CACNA1E: variants seen among roughly 807,000 people sequenced by gnomAD.
CACNA1E encodes the protein calcium voltage-gated channel subunit alpha1 E.
Under a neutral mutation model 259.2 loss-of-function variants are expected in CACNA1E, and 40 were observed. The observed-to-expected ratio is 0.15, with a 90% CI of 0.12 to 0.20. The LOEUF is 0.20. CACNA1E is among the 10% of genes least tolerant of loss of function. CACNA1E has a pLI of 1.00. For synonymous variants in CACNA1E, 1,104 were observed against 1,138.5 expected, an observed-to-expected ratio of 0.97 and a Z score of 0.61; for missense variants, 1,874 against 3,040.1, an observed-to-expected ratio of 0.62 and a Z score of 9.02.
chr1:181,360,498 G>A (rs1364656828), intron 1 of CACNA1E, among the ~76,000 whole-genome samples: 1 of 152,140 alleles, frequency 6.6e-6, no homozygotes, highest in Non-Finnish European at 1.5e-5. Context: ...AGACATAATG[G>A]CCATATACTG....
intron 2 of CACNA1E, among the ~76,000 whole-genome samples, chr1:181,475,596 T>C (rs535962671): frequency 6.3e-4 from 96 of 152,360 alleles, no homozygotes; most frequent in African/African-American, 2.3e-3. Context: ...ATGTACCTCA[T>C]ACTATGGTAC....
intron 1 of CACNA1E, among the ~76,000 whole-genome samples, chr1:181,497,482 G>C (rs1664862249): frequency 6.6e-6 from 1 of 152,150 alleles, no homozygotes. Flanking sequence ...AGAGCTTTCT[G>C]TTCCTCAATA....
rs1395302597 is a variant in CACNA1E, at chr1:181,532,039, G to A, written c.512+20529G>A. ...CCGTTGCACTCCAGCCTGGGCAACA[G>A]AGTGAAACTTCATCTCAAAAAAAAG... On this transcript the variant is annotated intron_variant, in intron 3 of 47. Transcript: ENST00000367573. Among the ~76,000 whole-genome samples, 5 of 152,126 alleles carry A rather than the reference G, an allele frequency of 3.3e-5. No individual in the cohort carries two copies. In the East Asian group the frequency reaches 9.6e-4, roughly 29 times the overall value.
At chr1:181,574,638 A>G (rs1421909132) in intron 3 of CACNA1E, among the ~76,000 whole-genome samples, 1 of 152,144 alleles carries the variant, frequency 6.6e-6, no homozygotes, top group East Asian at 1.9e-4. Context: ...AGAAAACAGA[A>G]TTTCTCTAGG....
At position 181,784,653 on chromosome 1, in the gene CACNA1E, T is replaced by G. The variant is rs1361470344; in HGVS notation, c.5471-8T>G. ...TATTCTATTTATTAGTAATTTATCTTATTCTAGGTGGTGCAGACAGGCAGC... is the reference window on the plus strand; with the variant it reads ...TATTCTATTTATTAGTAATTTATCTGATTCTAGGTGGTGCAGACAGGCAGC... On this transcript the variant is annotated splice_region_variant and splice_polypyrimidine_tract_variant and intron_variant, in intron 40 of 47. Transcript: ENST00000367573. 7.8e-6 allele frequency: 12 copies of G among 1,545,914 alleles called. No homozygotes were observed. Among genetic ancestry groups the G allele is most frequent in the Non-Finnish European group, 1.1e-5 (12 of 1,139,308 alleles).
At chr1:181,329,263 T>G (rs1445390129) in intron 1 of CACNA1E, among the ~76,000 whole-genome samples, 1 of 152,044 alleles carries the variant, frequency 6.6e-6, no homozygotes, top group Non-Finnish European at 1.5e-5. Context: ...CATCTTCATC[T>G]CTCCCTTGGA....
At chr1:181,377,981 T>C (rs1295263555) in intron 1 of CACNA1E, among the ~76,000 whole-genome samples, 3 of 152,240 alleles carry the variant, frequency 2.0e-5, no homozygotes, top group African/African-American at 7.2e-5. Flanking sequence ...TGCACATAGT[T>C]TTGTCCTTCA....
chr1:181,789,794 A>G (rs1377548013), intron 43 of CACNA1E, among the ~76,000 whole-genome samples: 1 of 152,188 alleles, frequency 6.6e-6, no homozygotes, highest in Admixed American at 6.5e-5. Flanking sequence ...GGAGGCCTCT[A>G]AACAACTGGG....
chr1:181,637,895 G>A (rs1178128315), intron 6 of CACNA1E, among the ~76,000 whole-genome samples: 1 of 152,182 alleles, frequency 6.6e-6, no homozygotes, highest in Non-Finnish European at 1.5e-5. Flanking sequence ...GAGCAATAGT[G>A]TAGACATAGG....
chr1:181,617,224 C>T (rs1572390910), intron 6 of CACNA1E, among the ~76,000 whole-genome samples: 1 of 148,742 alleles, frequency 6.7e-6, no homozygotes, highest in East Asian at 1.9e-4. Flanking sequence ...ATATGCTGTT[C>T]TGTTTCAAAC....
At chr1:181,620,031 G>A (rs1451635387) in intron 6 of CACNA1E, among the ~76,000 whole-genome samples, 3 of 152,150 alleles carry the variant, frequency 2.0e-5, no homozygotes, top group Non-Finnish European at 4.4e-5. Flanking sequence ...ATATATATCT[G>A]CATTATTGTA....
intron 7 of CACNA1E, among the ~76,000 whole-genome samples, chr1:181,667,462 A>G (rs3766979): frequency 0.53 from 80,780 of 151,962 alleles, 24,664 homozygotes; most frequent in East Asian, 0.77. Flanking sequence ...TTAATTTTAG[A>G]CTTAGAAAGT....
intron 6 of CACNA1E, among the ~76,000 whole-genome samples, chr1:181,622,660 A>G (rs1655831042): frequency 1.3e-5 from 2 of 152,208 alleles, no homozygotes; most frequent in African/African-American, 4.8e-5. Context: ...CCTCTTTAAA[A>G]GGCCCTGTCT....
Position 181,730,455 on chromosome 1 carries a change from G to T in CACNA1E, c.2241-720G>T, listed in dbSNP as rs114464679. Among the ~76,000 whole-genome samples, 644 of 152,332 alleles carry T rather than the reference G, an allele frequency of 4.2e-3. 2 individuals carry two copies. The highest frequency in any genetic ancestry group is 0.015 in the African/African-American group (608 of 41,578). ...GCCATTCTAACCTTGTGTTTGTAAGGACACAACATGCATATGGAAGAGAGT... is the reference window on the plus strand; with the variant it reads ...GCCATTCTAACCTTGTGTTTGTAAGTACACAACATGCATATGGAAGAGAGT... On this transcript the variant is annotated intron_variant, in intron 18 of 47. Transcript: ENST00000367573.
chr1:181,617,843 G>A lies in CACNA1E; in HGVS notation c.952-33495G>A, dbSNP rs573553720. Among the ~76,000 whole-genome samples the A allele has an allele frequency of 2.7e-4, 41 of 152,334 alleles. 1 individual carries two copies. The highest frequency in any genetic ancestry group is 9.4e-4 in the African/African-American group (39 of 41,574). Reference sequence around the variant, plus strand: ...TATTAGCAAAATGACTCCGTTGGATGTGCCATTAGGGCTTTGCATGTCATC... The same window carrying A: ...TATTAGCAAAATGACTCCGTTGGATATGCCATTAGGGCTTTGCATGTCATC... On this transcript the variant is annotated intron_variant, in intron 6 of 47. Transcript: ENST00000367573.
Position 181,783,665 on chromosome 1 carries a change from T to C in CACNA1E, c.5365-14T>C. On this transcript the variant is annotated splice_polypyrimidine_tract_variant and intron_variant, in intron 39 of 47. Transcript: ENST00000367573. ...TTTTTTTTGCCTGCTGTTTCTTTTT[T>C]CTCTTTCACACAGAGGTTGGTCCTG... The C allele has an allele frequency of 6.6e-7, 1 of 1,518,676 alleles. No individual in the cohort carries two copies. Among genetic ancestry groups the C allele is most frequent in the Non-Finnish European group, 9.0e-7 (1 of 1,106,184 alleles). 94.1% of individuals were successfully genotyped at this position (1,518,676 alleles called of 1,614,324 possible).
At chr1:181,637,449 TCCC>T (rs1657342969) in intron 6 of CACNA1E, among the ~76,000 whole-genome samples, 2 of 81,256 alleles carry the variant, frequency 2.5e-5, no homozygotes, top group African/African-American at 4.6e-5. Flanking sequence ...CCTCCCTCCC[TCCC>T]TCCCTTCCTC....
chr1:181,541,115 C>CT (rs931424640), intron 3 of CACNA1E, among the ~76,000 whole-genome samples: 5 of 152,068 alleles, frequency 3.3e-5, no homozygotes, highest in African/African-American at 1.2e-4. Flanking sequence ...GTATGTTTTT[C>CT]TTTTGTTAAT....
At chr1:181,652,377 A>G (rs1382517645) in intron 7 of CACNA1E, among the ~76,000 whole-genome samples, 1 of 152,240 alleles carries the variant, frequency 6.6e-6, no homozygotes, top group Non-Finnish European at 1.5e-5. Flanking sequence ...CTGTTTAAAC[A>G]TGGCAGATTG....
Sources: gnomAD v4.1 joint callset for allele counts (sites outside exome capture counted in the v4.1 genomes callset) on GRCh38, gnomAD v4.1.1 for gene constraint, MANE v1.5 for transcripts, NCBI Gene and HGNC (gene_info 2026-07-23, HGNC 2026-07-21) for gene names.